SLC16A4: variants seen among roughly 807,000 people sequenced by gnomAD.
The protein encoded by SLC16A4 is solute carrier family 16 member 4.
A neutral mutation model predicts 47.9 loss-of-function variants in SLC16A4; 39 were observed. The observed-to-expected ratio is 0.81, with a 90% CI of 0.63 to 1.06. The LOEUF (loss-of-function observed/expected upper bound fraction) is 1.06, where lower values mean the gene tolerates loss of function less well. Ranked by LOEUF, SLC16A4 falls within the 50% of genes least tolerant of loss-of-function variation. SLC16A4 has a pLI of 0.00. For synonymous variants in SLC16A4, 189 were observed against 199.9 expected (o/e 0.95, Z 0.46); for missense variants, 524 against 573.8 (o/e 0.91, Z 0.89).
chr1:110,364,856 T>C (rs1202712169), intron 8 of SLC16A4, among the ~76,000 whole-genome samples: 1 of 152,122 alleles, frequency 6.6e-6, no homozygotes, highest in African/African-American at 2.4e-5. Flanking sequence ...TCAAAGTCTT[T>C]TGGCTAATGG....
chr1:110,387,899 T>C (rs1662817681), intron 2 of SLC16A4, among the ~76,000 whole-genome samples: 1 of 152,238 alleles, frequency 6.6e-6, no homozygotes, highest in Non-Finnish European at 1.5e-5. Context: ...GAGTTTTGTA[T>C]TACATAAATC....
At chr1:110,366,421 A>C (rs557475557) in intron 8 of SLC16A4, among the ~76,000 whole-genome samples, 6 of 152,110 alleles carry the variant, frequency 3.9e-5, no homozygotes, top group Non-Finnish European at 8.8e-5. Context: ...CAGCCTTCTA[A>C]AGTGCTTGGA....
chr1:110,382,966 C>T lies in SLC16A4; in HGVS notation c.88G>A (p.Val30Met). The T allele has an allele frequency of 1.9e-6, 3 of 1,604,136 alleles. No homozygotes were observed. Among genetic ancestry groups the T allele is most frequent in the Middle Eastern group, 1.7e-4 (1 of 6,004 alleles). Residue 30 changes from valine (V) to methionine (M), a missense_variant and splice_region_variant, in exon 3 of 9, where the codon GTG becomes ATG. By Grantham distance (21) the Val-to-Met change is conservative. Transcript: ENST00000369779. ...GTCATCCCCATCACAAACACATTCA[C>T]CTAAATCAAAGCAGACCAGAGTCCA... ...GWMIVIHFFL[V>M]NVFVMGMTKT...
rs767651626 is a variant in SLC16A4, at chr1:110,379,008, T to C, written c.875A>G (p.Asp292Gly). The C allele has an allele frequency of 6.2e-7, 1 of 1,614,242 alleles. No individual in the cohort carries two copies. The highest frequency in any genetic ancestry group is 8.5e-7 in the Non-Finnish European group (1 of 1,180,038). ...VISWSCKQLF[D>G]ISLFRNPFFY... ...GAAAGGATTTCTAAAGAGAGAAATG[T>C]CAAACAGTTGTTTGCAGCTCCACGA... The change falls in exon 6 of 9, where the codon GAC becomes GGC. Residue 292 changes from aspartate (D) to glycine (G), a missense_variant. Physicochemically the swap from Asp to Gly is moderately conservative, Grantham distance 94. Coordinates refer to ENST00000369779, the MANE Select transcript of SLC16A4 (RefSeq NM_004696.3).
intron 8 of SLC16A4, among the ~76,000 whole-genome samples, chr1:110,369,322 G>C (rs181137716): frequency 6.6e-6 from 1 of 151,924 alleles, no homozygotes; most frequent in African/African-American, 2.4e-5. Context: ...TAACATGGCC[G>C]GGTGCAGTGG....
At position 110,376,190 on chromosome 1, in the gene SLC16A4, C is replaced by T. The variant is rs567917017; in HGVS notation, c.1243-639G>A. Among the ~76,000 whole-genome samples the T allele has an allele frequency of 2.2e-4, 33 of 152,220 alleles. 1 individual carries two copies. The highest frequency in any genetic ancestry group is 6.0e-4 in the African/African-American group (25 of 41,556). On this transcript the variant is annotated intron_variant, in intron 7 of 8. Transcript: ENST00000369779. The stretch of plus-strand genomic sequence containing the variant: ...CCACGCCCGGCCAGACGGTGATATT[C>T]TTGAATCCTCTAAGGCTAAGTATCA...
At chr1:110,378,389 C>T (rs1415980723) in intron 6 of SLC16A4, among the ~76,000 whole-genome samples, 1 of 152,142 alleles carries the variant, frequency 6.6e-6, no homozygotes, top group Admixed American at 6.5e-5. Context: ...GAAATGAAGG[C>T]ACCATGAAGC....
At chr1:110,377,191 C>A in intron 6 of SLC16A4, 30 bp from the exon 7 acceptor site, 1 of 1,581,046 alleles carries the variant, frequency 6.3e-7, no homozygotes, top group South Asian at 1.1e-5. Context: ...TTTTTATTTT[C>A]CTGGTCCCTT....
intron 2 of SLC16A4, among the ~76,000 whole-genome samples, chr1:110,383,511 A>G (rs1570652804): frequency 2.6e-5 from 4 of 152,166 alleles, no homozygotes; most frequent in Admixed American, 2.6e-4. Flanking sequence ...TCTGGGTGGA[A>G]GGGTGGAGGG....
At chr1:110,369,475 C>T (rs1661578166) in intron 8 of SLC16A4, among the ~76,000 whole-genome samples, 1 of 152,100 alleles carries the variant, frequency 6.6e-6, no homozygotes, top group Admixed American at 6.6e-5. Flanking sequence ...TGGCACACGC[C>T]TGTAGTCCCA....
At position 110,389,373 on chromosome 1, in the gene SLC16A4, C is replaced by G. The variant is rs777469660; in HGVS notation, c.-32-18G>C. 5.3e-6 allele frequency: 7 copies of G among 1,327,888 alleles called. No homozygotes were observed. Among genetic ancestry groups the G allele is most frequent in the Non-Finnish European group, 7.6e-6 (7 of 922,602 alleles). The allele number at this position is 1,327,888 out of a possible 1,614,324, so 82.3% of individuals were successfully genotyped here. A position where few individuals can be genotyped will look rare whatever the true frequency, so the allele number is the denominator to read the frequency against. On this transcript the variant is annotated intron_variant, in intron 1 of 8. Transcript: ENST00000369779. ...GAAGATCCCTGTGATAAATCCAAGA[C>G]AGTTGATTCAGTGGACCAGAAACTA...
intron 2 of SLC16A4, among the ~76,000 whole-genome samples, chr1:110,383,805 G>GTTTTTTTTTTTTTTTTT (rs71096348): frequency 3.0e-5 from 2 of 65,760 alleles, no homozygotes; most frequent in South Asian, 5.9e-4. Flanking sequence ...TTAAAAGGAG[G>GTTTTTTTTTTTTTTTTT]TTTTTTTTTT....
Position 110,381,774 on chromosome 1 carries a change from C to T in SLC16A4, c.242G>A (p.Cys81Tyr), listed in dbSNP as rs1662404411. 1 of 1,612,842 alleles carries T rather than the reference C, an allele frequency of 6.2e-7. No individual in the cohort carries two copies. Among genetic ancestry groups the T allele is most frequent in the Admixed American group, 1.7e-5 (1 of 59,636 alleles). ...FCAGPLVAII[C>Y]DILGEKTTSI... ...GGTAGTTTTCTCTCCAAGTATGTCA[C>T]AAATAATAGCAACCAGGGGACCTTA... Residue 81 changes from cysteine to tyrosine, a missense_variant, in exon 4 of 9, where the codon TGT becomes TAT. Cys to Tyr is a radical substitution (Grantham distance 194). Transcript: ENST00000369779.
At chr1:110,383,805 G>GTTTTTTTTTTTTTTTTTTTTT (rs71096348) in intron 2 of SLC16A4, among the ~76,000 whole-genome samples, 1 of 65,740 alleles carries the variant, frequency 1.5e-5, no homozygotes, top group African/African-American at 6.7e-5. Context: ...TTAAAAGGAG[G>GTTTTTTTTTTTTTTTTTTTTT]TTTTTTTTTT....
At chr1:110,369,441 A>T (rs1661575890) in intron 8 of SLC16A4, among the ~76,000 whole-genome samples, 1 of 152,116 alleles carries the variant, frequency 6.6e-6, no homozygotes, top group South Asian at 2.1e-4. Flanking sequence ...TCTACTAAAA[A>T]TAGAAAAAAT....
At chr1:110,367,119 G>T (rs905908577) in intron 8 of SLC16A4, among the ~76,000 whole-genome samples, 1 of 152,208 alleles carries the variant, frequency 6.6e-6, no homozygotes, top group Non-Finnish European at 1.5e-5. Context: ...TGGCTACTAG[G>T]TTAGTTAAGT....
chr1:110,364,659 C>T (rs191591742), intron 8 of SLC16A4, among the ~76,000 whole-genome samples: 8 of 151,994 alleles, frequency 5.3e-5, no homozygotes, highest in South Asian at 4.2e-4. Flanking sequence ...TACAGGTGCC[C>T]GCCACCACAC....
chr1:110,381,744 A>G lies in SLC16A4; in HGVS notation c.272T>C (p.Ile91Thr). 2 of 1,613,692 alleles carry G rather than the reference A, an allele frequency of 1.2e-6. No homozygotes were observed. Among genetic ancestry groups the G allele is most frequent in the Non-Finnish European group, 1.7e-6 (2 of 1,179,818 alleles). Reference protein sequence around the residue: ...CDILGEKTTSILGAFVVTGGY... With the variant: ...CDILGEKTTSTLGAFVVTGGY... ...ACCAGTAACAACGAAAGCCCCAAGA[A>G]TGGAGGTAGTTTTCTCTCCAAGTAT... The change falls in exon 4 of 9, where the codon ATT becomes ACT. Residue 91 changes from isoleucine (I) to threonine (T), a missense_variant. Transcript: ENST00000369779.
intron 7 of SLC16A4, 113 bp downstream of exon 7, chr1:110,376,837 G>C: frequency 1.1e-6 from 1 of 902,242 alleles, no homozygotes; most frequent in Admixed American, 2.6e-5. Context: ...TAAGGTCTTT[G>C]AAATGATTTT....
Sources: allele counts gnomAD v4.1 joint callset (sites outside exome capture counted in the v4.1 genomes callset), GRCh38; gene constraint gnomAD v4.1.1; transcripts MANE v1.5; gene names NCBI Gene and HGNC (gene_info 2026-07-23, HGNC 2026-07-21).